The following CHN2 variants were observed in gnomAD, a reference collection of about 807,000 sequenced individuals.
CHN2 encodes the protein chimerin 2, also known as beta-chimaerin.
CHN2 carries 35 observed loss-of-function variants against 56.3 expected under a neutral mutation model. The ratio of observed to expected loss-of-function variants is 0.62; its 90% CI spans 0.47 to 0.82. The LOEUF is 0.82. CHN2 is among the 40% of genes least tolerant of loss of function. The pLI, the probability that CHN2 is intolerant of heterozygous loss-of-function variation, is 0.00. For synonymous variants in CHN2, 210 were observed against 212.8 expected (o/e 0.99, Z 0.12); for missense variants, 491 against 580.5 (o/e 0.85, Z 1.58).
chr7:29,423,996 G>C (rs571460106), intron 6 of CHN2, among the ~76,000 whole-genome samples: 1 of 152,310 alleles, frequency 6.6e-6, no homozygotes, highest in East Asian at 1.9e-4. Context: ...CTCATGGTGG[G>C]CTACTTGGGG....
chr7:29,422,812 G>T (rs1033206659), intron 6 of CHN2, among the ~76,000 whole-genome samples: 2 of 152,270 alleles, frequency 1.3e-5, no homozygotes, highest in East Asian at 3.9e-4. Flanking sequence ...AAGCTGAGTG[G>T]TTCCCACTTT....
intron 1 of CHN2, among the ~76,000 whole-genome samples, chr7:29,347,814 T>C (rs1797574595): frequency 6.6e-6 from 1 of 152,234 alleles, no homozygotes; most frequent in Non-Finnish European, 1.5e-5. Flanking sequence ...AAGCAACAGT[T>C]ATAAAAAGAA....
chr7:29,429,880 A>G (rs1782706360), intron 6 of CHN2, among the ~76,000 whole-genome samples: 1 of 152,234 alleles, frequency 6.6e-6, no homozygotes, highest in Admixed American at 6.5e-5. Flanking sequence ...TAATTAGCGT[A>G]TAGCTATTTA....
At chr7:29,374,417 CT>C (rs1044470083) in intron 3 of CHN2, among the ~76,000 whole-genome samples, 2 of 151,854 alleles carry the variant, frequency 1.3e-5, no homozygotes, top group African/African-American at 2.4e-5. Flanking sequence ...AAAAAACTTT[CT>C]TTTTTATTGA....
intron 1 of CHN2, among the ~76,000 whole-genome samples, chr7:29,301,596 A>T (rs1316970299): frequency 2.0e-5 from 3 of 152,168 alleles, no homozygotes; most frequent in Non-Finnish European, 4.4e-5. Context: ...CTTGGGCTGA[A>T]GTCTTTGTTC....
intron 7 of CHN2, among the ~76,000 whole-genome samples, chr7:29,494,692 G>A (rs184091353): frequency 5.5e-4 from 83 of 152,110 alleles, no homozygotes; most frequent in African/African-American, 1.8e-3. Context: ...CTATAACTTC[G>A]CTTTATTACA....
chr7:29,234,888 C>G (rs1050771505), intron 1 of CHN2, among the ~76,000 whole-genome samples: 1 of 152,110 alleles, frequency 6.6e-6, no homozygotes, highest in Non-Finnish European at 1.5e-5. Context: ...AGAGCTGTCA[C>G]GAAAACAGGT....
At chr7:29,177,560 C>CT (rs200237886) in intron 2 of CHN2, among the ~76,000 whole-genome samples, 25,663 of 146,692 alleles carry the variant, frequency 0.17, 2,235 homozygotes, top group African/African-American at 0.2. Context: ...GGCCCCCTCA[C>CT]TTTTTTTTTT....
chr7:29,498,081 T>A (rs1433101109), intron 8 of CHN2, among the ~76,000 whole-genome samples: 1 of 152,208 alleles, frequency 6.6e-6, no homozygotes, highest in Non-Finnish European at 1.5e-5. Flanking sequence ...AAAATTTAAA[T>A]GAAGTTTGTA....
At chr7:29,217,774 G>A (rs542608223) in intron 1 of CHN2, among the ~76,000 whole-genome samples, 9 of 152,214 alleles carry the variant, frequency 5.9e-5, no homozygotes, top group East Asian at 3.9e-4. Context: ...TAAAAGATAC[G>A]TATCTGATAA....
In CHN2 at chr7:29,509,323, G is replaced by A; in HGVS notation, c.1152G>A (p.Arg384=). Residue 384 remains arginine, a synonymous_variant, in exon 12 of 13, where the codon AGG becomes AGA. Transcript: ENST00000222792. ...DAAKISNADE[R]LEAVHEVLML... is the part of the protein sequence containing the mutation. ...CAGAAATCTCCAATGCAGATGAGAG[G>A]CTGGAAGCCGTCCATGAAGTGCTGA... The A allele has an allele frequency of 6.2e-7, 1 of 1,614,010 alleles. No individual in the cohort carries two copies. The highest frequency in any genetic ancestry group is 8.5e-7 in the Non-Finnish European group (1 of 1,179,884).
intron 1 of CHN2, among the ~76,000 whole-genome samples, chr7:29,260,756 G>C (rs1789472827): frequency 6.6e-6 from 1 of 152,182 alleles, no homozygotes; most frequent in Non-Finnish European, 1.5e-5. Flanking sequence ...TGATTTTCCA[G>C]CCTGCTAATT....
intron 10 of CHN2, 109 bp downstream of exon 10, chr7:29,504,930 C>A: frequency 1.4e-6 from 1 of 711,864 alleles, no homozygotes; most frequent in South Asian, 1.9e-5. Context: ...AAGAGTTGTT[C>A]TTCAAGAAAC....
At chr7:29,293,740 G>T (rs1792869292) in intron 1 of CHN2, among the ~76,000 whole-genome samples, 2 of 151,934 alleles carry the variant, frequency 1.3e-5, no homozygotes, top group Non-Finnish European at 2.9e-5. Flanking sequence ...TGCTACCTGC[G>T]CTCCTTTCCC....
At chr7:29,274,563 G>A (rs374924165) in intron 1 of CHN2, among the ~76,000 whole-genome samples, 68 of 152,244 alleles carry the variant, frequency 4.5e-4, no homozygotes, top group African/African-American at 1.4e-3. Flanking sequence ...TGGCATTAGC[G>A]AAATAAGCAT....
At chr7:29,350,195 T>A (rs535349803) in intron 1 of CHN2, among the ~76,000 whole-genome samples, 4 of 152,234 alleles carry the variant, frequency 2.6e-5, no homozygotes, top group Admixed American at 2.6e-4. Flanking sequence ...GCCTCTAACT[T>A]GTTTTATGAC....
intron 1 of CHN2, among the ~76,000 whole-genome samples, chr7:29,301,407 G>A (rs1168194331): frequency 1.3e-5 from 2 of 149,540 alleles, no homozygotes; most frequent in Non-Finnish European, 3.0e-5. Flanking sequence ...GGATTCATCT[G>A]GAATCTAAGT....
chr7:29,202,814 T>C (rs1784258792), intron 1 of CHN2, among the ~76,000 whole-genome samples: 1 of 152,190 alleles, frequency 6.6e-6, no homozygotes, highest in African/African-American at 2.4e-5. Flanking sequence ...ATATTAGCAA[T>C]GTGAAATGCT....
chr7:29,452,849 G>T (rs1169761660), intron 6 of CHN2, among the ~76,000 whole-genome samples: 3 of 152,194 alleles, frequency 2.0e-5, no homozygotes, highest in Non-Finnish European at 4.4e-5. Context: ...AGCAAGTGAG[G>T]AGAAATCAGA....
Sources: allele counts gnomAD v4.1 joint callset (sites outside exome capture counted in the v4.1 genomes callset), GRCh38; gene constraint gnomAD v4.1.1; transcripts MANE v1.5; gene names NCBI Gene and HGNC (gene_info 2026-07-23, HGNC 2026-07-21).